The following TXNDC15 variants were observed in gnomAD, a reference collection of about 807,000 sequenced individuals.
TXNDC15 encodes the protein thioredoxin domain containing 15.
A neutral mutation model predicts 35.0 loss-of-function variants in TXNDC15; 24 were observed. That is an observed-to-expected ratio of 0.68 (90% confidence interval 0.50 to 0.96). TXNDC15 has a LOEUF of 0.96. Among genes scored for constraint, TXNDC15 ranks in the 40% least tolerant of loss-of-function variants. The probability of loss-of-function intolerance (pLI) is 0.00; values close to 1 mark genes in which losing one functional copy is unlikely to be tolerated. For missense variants in TXNDC15, 385 were observed against 453.3 expected, an observed-to-expected ratio of 0.85 and a Z score of 1.37; for synonymous variants, 169 against 174.0, an observed-to-expected ratio of 0.97 and a Z score of 0.23.
In TXNDC15 at chr5:134,874,438, C is replaced by T. The variant is rs756768692; in HGVS notation, c.11C>T (p.Ala4Val). The T allele has an allele frequency of 2.5e-6, 4 of 1,600,822 alleles. No individual in the cohort carries two copies. Among genetic ancestry groups the T allele is most frequent in the Non-Finnish European group, 3.4e-6 (4 of 1,176,702 alleles). Residue 4 changes from alanine to valine, a missense_variant, in exon 1 of 5, where the codon GCT (alanine) becomes GTT (valine). Coordinates refer to ENST00000358387, the MANE Select transcript of TXNDC15 (RefSeq NM_024715.4). Reference sequence around the variant, plus strand: ...CTCTCGGCCTGGGCAATGGTCCCGGCTGCCGGTCGACGACCGCCCCGCGTC... The same window carrying T: ...CTCTCGGCCTGGGCAATGGTCCCGGTTGCCGGTCGACGACCGCCCCGCGTC... The part of the protein sequence containing the change: MVP[A>V]AGRRPPRVMR...
At chr5:134,879,833 C>T (rs1156338853) in intron 1 of TXNDC15, among the ~76,000 whole-genome samples, 4 of 144,416 alleles carry the variant, frequency 2.8e-5, no homozygotes, top group Non-Finnish European at 4.5e-5. Context: ...CTTGCTCTGT[C>T]ACCCAGGCTG....
intron 3 of TXNDC15, among the ~76,000 whole-genome samples, chr5:134,894,261 T>C (rs895142210): frequency 6.6e-6 from 1 of 152,116 alleles, no homozygotes; most frequent in African/African-American, 2.4e-5. Context: ...TGGGTTTTTG[T>C]CCAGGCTGGC....
chr5:134,890,117 ACCTCCCAGGCTCAAGTGAT>A (rs552533500), intron 2 of TXNDC15, among the ~76,000 whole-genome samples: 28 of 151,864 alleles, frequency 1.8e-4, no homozygotes, highest in African/African-American at 6.8e-4. Context: ...TGCAGCCTTG[ACCTCCCAGGCTCAAGTGAT>A]CCTCCCAGCT....
Position 134,899,545 on chromosome 5 carries a change from C to G in TXNDC15, c.943C>G (p.Pro315Ala). The G allele has an allele frequency of 6.2e-7, 1 of 1,613,978 alleles. No homozygotes were observed. Among genetic ancestry groups the G allele is most frequent in the Non-Finnish European group, 8.5e-7 (1 of 1,179,984 alleles). ...TCAAGCCGACCAAATAGGCCCTCTT[C>G]CCAGCACTTTGATAAAAAGTGTGGA... ...VTQADQIGPLPSTLIKSVDWL... is the reference protein window; with the variant it reads ...VTQADQIGPLASTLIKSVDWL... The change falls in exon 5 of 5, where the codon CCC becomes GCC. Residue 315 changes from proline to alanine, a missense_variant. Coordinates refer to ENST00000358387, the MANE Select transcript of TXNDC15 (RefSeq NM_024715.4).
At chr5:134,889,106 C>T (rs1329637314) in intron 2 of TXNDC15, among the ~76,000 whole-genome samples, 1 of 152,218 alleles carries the variant, frequency 6.6e-6, no homozygotes, top group East Asian at 1.9e-4. Flanking sequence ...TGCATCCACT[C>T]CTGAGTGCCT....
rs1230860784 is a variant in TXNDC15 at position 134,899,851 on chromosome 5, GT to G, written c.*170del. On this transcript the variant is annotated 3_prime_UTR_variant, in exon 5 of 5. Coordinates refer to ENST00000358387, the MANE Select transcript of TXNDC15 (RefSeq NM_024715.4). ...ATGTATAAAAAAATTATAAACTGGTGTTTTAACTAGTATTGCAATAAGCAAA... is the reference window on the plus strand; with the variant it reads ...ATGTATAAAAAAATTATAAACTGGTGTTTAACTAGTATTGCAATAAGCAAA... 1.8e-6 allele frequency: 1 copy of G among 568,016 alleles called. No homozygotes were observed. The highest frequency in any genetic ancestry group is 1.9e-5 in the African/African-American group (1 of 51,716). The allele number at this position is 568,016 out of a possible 1,614,324, so 35.2% of individuals were successfully genotyped here.
At chr5:134,879,921 A>G (rs1475244021) in intron 1 of TXNDC15, among the ~76,000 whole-genome samples, 1 of 150,480 alleles carries the variant, frequency 6.6e-6, no homozygotes, top group African/African-American at 2.5e-5. Context: ...TCAGCCTCCC[A>G]AGTAGCTGGG....
At chr5:134,893,372 C>T (rs1455230955) in intron 2 of TXNDC15, 120 bp from the exon 3 acceptor site, 2 of 1,218,146 alleles carry the variant, frequency 1.6e-6, no homozygotes, top group Admixed American at 2.1e-5. Flanking sequence ...GGTTCCTTCT[C>T]TCGCTGCTCC....
At chr5:134,882,487 C>G (rs111839413) in intron 1 of TXNDC15, among the ~76,000 whole-genome samples, 7,180 of 152,246 alleles carry the variant, frequency 0.047, 263 homozygotes, top group Non-Finnish European at 0.064. Context: ...GAGGCCAAGG[C>G]AGGCTGCTGG....
At chr5:134,891,451 T>C (rs1750386239) in intron 2 of TXNDC15, among the ~76,000 whole-genome samples, 1 of 152,210 alleles carries the variant, frequency 6.6e-6, no homozygotes. Context: ...ACGAGTATAA[T>C]ATTTTGAAAG....
intron 1 of TXNDC15, among the ~76,000 whole-genome samples, chr5:134,883,521 C>T (rs1434402932): frequency 3.6e-5 from 5 of 139,626 alleles, no homozygotes; most frequent in East Asian, 2.2e-4. Context: ...GTGGTAGAAT[C>T]GCTTGAACCC....
chr5:134,889,079 G>C (rs1301638838), intron 2 of TXNDC15, among the ~76,000 whole-genome samples: 2 of 152,260 alleles, frequency 1.3e-5, no homozygotes, highest in African/African-American at 4.8e-5. Context: ...TCCAAGGGCA[G>C]TGCTCGGCGC....
chr5:134,892,088 A>G (rs1295870152), intron 2 of TXNDC15: 1 of 152,128 alleles, frequency 6.6e-6, no homozygotes, highest in Non-Finnish European at 1.5e-5. Context: ...TCTTATCTAC[A>G]TGAAAATTGA....
At chr5:134,879,731 G>T (rs1561896487) in intron 1 of TXNDC15, among the ~76,000 whole-genome samples, 1 of 151,250 alleles carries the variant, frequency 6.6e-6, no homozygotes, top group Non-Finnish European at 1.5e-5. Context: ...GACTCACTTT[G>T]CTGCCCAAGC....
At position 134,877,865 on chromosome 5, in the gene TXNDC15, C is replaced by T. The variant is rs570285953; in HGVS notation, c.103+3335C>T. 8.6e-5 allele frequency among the ~76,000 whole-genome samples: 13 copies of T among 151,840 alleles called. No homozygotes were observed. In the East Asian group the frequency reaches 9.7e-4, roughly 11 times the overall value. On this transcript the variant is annotated intron_variant, in intron 1 of 4. Transcript: ENST00000358387. ...TTGGCTCATTGCAACCTCTGCCTCC[C>T]GGGTTCAAGCGATTCTCTTGTCTCA...
intron 2 of TXNDC15, among the ~76,000 whole-genome samples, chr5:134,888,907 G>GA (rs34517430): frequency 1 from 152,322 of 152,324 alleles, 76,160 homozygotes; most frequent in Middle Eastern, 1. Context: ...TTATATTGAT[G>GA]AAATTTTCTC....
In TXNDC15 at chr5:134,893,515, A is replaced by T; in HGVS notation, c.615A>T (p.Pro205=). The change falls in exon 3 of 5, where the codon CCA becomes CCT. Residue 205 remains proline (P), a synonymous_variant. Coordinates refer to ENST00000358387, the MANE Select transcript of TXNDC15 (RefSeq NM_024715.4). The part of the protein sequence containing the change: ...MSQDLMDFLN[P]NGSDCTLVLF... ...AGGACCTTATGGATTTTCTGAACCC[A>T]AACGGTAGTGACTGTACTCTAGTCC... is the stretch of plus-strand genomic sequence containing the variant. 1 of 1,614,218 alleles carries T rather than the reference A, an allele frequency of 6.2e-7. No individual in the cohort carries two copies. Among genetic ancestry groups the T allele is most frequent in the Non-Finnish European group, 8.5e-7 (1 of 1,180,040 alleles).
chr5:134,888,425 C>T (rs1269504637), intron 2 of TXNDC15, among the ~76,000 whole-genome samples: 1 of 152,184 alleles, frequency 6.6e-6, no homozygotes, highest in Non-Finnish European at 1.5e-5. Context: ...GGGCCAGTCT[C>T]ACCACCAAAC....
At position 134,893,328 on chromosome 5, in the gene TXNDC15, G is replaced by A. The variant is rs531376649; in HGVS notation, c.592-164G>A. ...GATCATACTTTTTTGCTGGTTCCTG[G>A]ATTCATATGGTTCAAAATCCAAAAG... On this transcript the variant is annotated intron_variant, in intron 2 of 4. Transcript: ENST00000358387. The A allele has an allele frequency of 6.1e-5, 42 of 686,844 alleles. 1 individual carries two copies. In the South Asian group the frequency reaches 7.9e-4, roughly 13 times the overall value. 42.5% of individuals were successfully genotyped at this position (686,844 alleles called of 1,614,324 possible). A position where few individuals can be genotyped will look rare whatever the true frequency, so the allele number is the denominator to read the frequency against.
Sources: gnomAD v4.1 joint callset for allele counts (sites outside exome capture counted in the v4.1 genomes callset) on GRCh38, gnomAD v4.1.1 for gene constraint, MANE v1.5 for transcripts, NCBI Gene and HGNC (gene_info 2026-07-23, HGNC 2026-07-21) for gene names.